The following SNRPN variants were observed in gnomAD, a reference collection of about 807,000 sequenced individuals.
SNRPN encodes the protein small nuclear ribonucleoprotein-associated protein N.
A neutral mutation model predicts 25.2 loss-of-function variants in SNRPN; 7 were observed. The observed-to-expected ratio is 0.28, with a 90% CI of 0.16 to 0.52. The LOEUF (loss-of-function observed/expected upper bound fraction) is 0.52. Among genes scored for constraint, SNRPN ranks in the 20% least tolerant of loss-of-function variants. The pLI, the probability that SNRPN is intolerant of heterozygous loss-of-function variation, is 0.96. For synonymous variants in SNRPN, 124 were observed against 110.6 expected (o/e 1.12, Z -0.76); for missense variants, 196 against 322.5 (o/e 0.61, Z 3.00).
chr15:24,878,311 G>C (rs1007898266), intron 1 of SNRPN, among the ~76,000 whole-genome samples: 19 of 152,272 alleles, frequency 1.2e-4, no homozygotes, highest in Admixed American at 1.1e-3. Context: ...CTGCCACGCA[G>C]CCCGCAAGAA....
intron 2 of SNRPN, among the ~76,000 whole-genome samples, chr15:24,907,251 T>G (rs1303272427): frequency 6.6e-6 from 1 of 152,064 alleles, no homozygotes; most frequent in Non-Finnish European, 1.5e-5. Flanking sequence ...CCAGGCCAAG[T>G]ATCCAGGGAA....
chr15:24,970,163 C>A (rs1207276063), intron 3 of SNRPN, among the ~76,000 whole-genome samples: 1 of 152,134 alleles, frequency 6.6e-6, no homozygotes, highest in African/African-American at 2.4e-5. Flanking sequence ...AGGGATCAGT[C>A]TAAGAGTCAT....
chr15:24,913,587 A>G (rs2059347889), intron 2 of SNRPN, among the ~76,000 whole-genome samples: 3 of 152,318 alleles, frequency 2.0e-5, no homozygotes, highest in South Asian at 4.1e-4. Context: ...CAGAGGCTAC[A>G]GTGAGCCAAG....
At chr15:24,825,506 T>C (rs1489702423) in intron 1 of SNRPN, among the ~76,000 whole-genome samples, 2 of 152,106 alleles carry the variant, frequency 1.3e-5, no homozygotes, top group African/African-American at 4.8e-5. Context: ...CAGATGGTCC[T>C]CAACTTAAGT....
intron 2 of SNRPN, among the ~76,000 whole-genome samples, chr15:24,891,372 T>C (rs902249675): frequency 9.2e-5 from 14 of 152,150 alleles, no homozygotes; most frequent in African/African-American, 3.1e-4. Flanking sequence ...TCCCTTTAAG[T>C]CAATTAAATC....
chr15:24,922,068 C>A (rs925810086), intron 3 of SNRPN, among the ~76,000 whole-genome samples: 3 of 149,542 alleles, frequency 2.0e-5, no homozygotes, highest in Non-Finnish European at 4.4e-5. Flanking sequence ...AAAAAATTAG[C>A]CGGGCACCGT....
intron 2 of SNRPN, among the ~76,000 whole-genome samples, chr15:24,964,911 T>A (rs957183855): frequency 4.6e-5 from 7 of 152,028 alleles, no homozygotes; most frequent in African/African-American, 1.7e-4. Flanking sequence ...ATAACTTGAG[T>A]TTTTCTTATC....
intron 2 of SNRPN, among the ~76,000 whole-genome samples, chr15:24,916,934 T>C (rs1800610018): frequency 6.6e-6 from 1 of 152,220 alleles, no homozygotes; most frequent in Non-Finnish European, 1.5e-5. Flanking sequence ...AGAAGCAGAC[T>C]GAGCAGGTTG....
At chr15:24,919,743 T>C (rs1171888925) in intron 2 of SNRPN, among the ~76,000 whole-genome samples, 1 of 152,168 alleles carries the variant, frequency 6.6e-6, no homozygotes, top group Non-Finnish European at 1.5e-5. Flanking sequence ...GGTGATCAGA[T>C]ATCAAAGGTA....
At chr15:24,894,338 C>G (rs977099134) in intron 2 of SNRPN, among the ~76,000 whole-genome samples, 1 of 152,188 alleles carries the variant, frequency 6.6e-6, no homozygotes, top group East Asian at 1.9e-4. Context: ...CCCGCCTCAG[C>G]CTCCCAAGTA....
chr15:24,953,932 C>T (rs2062479877), upstream of SNRPN, among the ~76,000 whole-genome samples: 3 of 152,266 alleles, frequency 2.0e-5, no homozygotes, highest in South Asian at 6.2e-4. Context: ...AATGTAGGAT[C>T]ATTGGGAACT....
At chr15:24,852,362 G>A (rs1456464209), upstream of SNRPN, 1 of 152,092 alleles carries the variant, frequency 6.6e-6, no homozygotes, top group Non-Finnish European at 1.5e-5. Flanking sequence ...TTCCTAAGAT[G>A]GAAACTTAGG....
chr15:24,890,335 T>G (rs2057570107), intron 2 of SNRPN, among the ~76,000 whole-genome samples: 1 of 152,146 alleles, frequency 6.6e-6, no homozygotes, highest in African/African-American at 2.4e-5. Context: ...TACTATTAGA[T>G]GATACCCTTT....
chr15:24,858,394 G>C (rs1294551667), intron 1 of SNRPN, among the ~76,000 whole-genome samples: 1 of 152,022 alleles, frequency 6.6e-6, no homozygotes, highest in Non-Finnish European at 1.5e-5. Flanking sequence ...ATGATTTTTT[G>C]CAAAGATGGT....
intron 3 of SNRPN, among the ~76,000 whole-genome samples, chr15:24,940,470 C>T (rs1175322001): frequency 2.0e-5 from 3 of 152,138 alleles, no homozygotes; most frequent in South Asian, 4.1e-4. Context: ...CTGTCCTTTC[C>T]CCATTGAAGG....
chr15:24,954,931 G>T, upstream of SNRPN: 1 of 1,455,758 alleles, frequency 6.9e-7, no homozygotes. Context: ...GCAGGCTGGC[G>T]CGCATGCTCA....
At chr15:24,864,366 G>A (rs1300079189) in intron 1 of SNRPN, among the ~76,000 whole-genome samples, 1 of 122,562 alleles carries the variant, frequency 8.2e-6, no homozygotes, top group African/African-American at 3.3e-5. Context: ...TTTTTTTGGT[G>A]GAATTTTGCT....
chr15:24,837,578 C>G (rs995544472), intron 2 of SNRPN, among the ~76,000 whole-genome samples: 1 of 149,248 alleles, frequency 6.7e-6, no homozygotes, highest in Non-Finnish European at 1.5e-5. Flanking sequence ...ACCGTGTTAG[C>G]TAGGATGGTC....
At chr15:24,848,889 T>C (rs922470662) in intron 2 of SNRPN, 1 of 149,318 alleles carries the variant, frequency 6.7e-6, no homozygotes, top group Admixed American at 6.7e-5. Context: ...CTACTACGTG[T>C]TTTTTTTTTA....
Sources: allele counts gnomAD v4.1 joint callset (sites outside exome capture counted in the v4.1 genomes callset), GRCh38; gene constraint gnomAD v4.1.1; transcripts MANE v1.5; gene names NCBI Gene and HGNC (gene_info 2026-07-23, HGNC 2026-07-21).